Variants in SH3D19 observed in about 807,000 individuals in gnomAD.
SH3D19 encodes SH3 domain containing 19, also known as SH3 domain-containing protein 19.
In SH3D19, 58 loss-of-function variants were observed where a neutral mutation model predicts 112.1. The observed-to-expected ratio is 0.52, with a 90% CI of 0.42 to 0.64. SH3D19 has a LOEUF of 0.64. Among genes scored for constraint, SH3D19 ranks in the 30% least tolerant of loss-of-function variants. The pLI, the probability that SH3D19 is intolerant of heterozygous loss-of-function variation, is 0.00. For missense variants in SH3D19, 1,090 were observed against 1,263.4 expected (o/e 0.86, Z 2.08); for synonymous variants, 391 against 448.5 (o/e 0.87, Z 1.62).
chr4:151,140,130 T>A lies in SH3D19; in HGVS notation c.2224-283A>T. On this transcript the variant is annotated intron_variant, in intron 12 of 19. Transcript: ENST00000604030. The stretch of plus-strand genomic sequence containing the variant: ...AGAGAGTAAAACAAAAGGGAACTGT[T>A]TATTTATTTTGAAACAGTATCTATT... 4 of 337,270 alleles carry A rather than the reference T, an allele frequency of 1.2e-5. No homozygotes were observed. The South Asian group carries it at 1.8e-4, about 15-fold the overall frequency. 20.9% of individuals were successfully genotyped at this position (337,270 alleles called of 1,614,324 possible). A position where few individuals can be genotyped will look rare whatever the true frequency, so the allele number is the denominator to read the frequency against.
chr4:151,125,013 C>T (rs1273825072), intron 19 of SH3D19, among the ~76,000 whole-genome samples: 15 of 152,082 alleles, frequency 9.9e-5, no homozygotes, highest in Non-Finnish European at 4.4e-5. Flanking sequence ...AAACGGGATA[C>T]ATTTTGAGCC....
intron 1 of SH3D19, among the ~76,000 whole-genome samples, chr4:151,239,313 T>C (rs545588863): frequency 6.6e-6 from 1 of 152,182 alleles, no homozygotes; most frequent in African/African-American, 2.4e-5. Flanking sequence ...ACAAAATAGG[T>C]ACAACATAAG....
At chr4:151,299,048 AT>A (rs1470504490) in intron 1 of SH3D19, among the ~76,000 whole-genome samples, 1 of 152,194 alleles carries the variant, frequency 6.6e-6, no homozygotes, top group Non-Finnish European at 1.5e-5. Flanking sequence ...TATGCCACTG[AT>A]TCCTTTTTAA....
intron 2 of SH3D19, among the ~76,000 whole-genome samples, chr4:151,213,593 C>T (rs951424636): frequency 2.6e-5 from 4 of 151,996 alleles, no homozygotes; most frequent in African/African-American, 9.7e-5. Context: ...TGCAGTGAGC[C>T]GTGACTGCAC....
chr4:151,276,408 T>C (rs893741806), intron 1 of SH3D19, among the ~76,000 whole-genome samples: 1 of 152,096 alleles, frequency 6.6e-6, no homozygotes, highest in Non-Finnish European at 1.5e-5. Flanking sequence ...CTAAGTCTTA[T>C]TCCAAGAACT....
intron 2 of SH3D19, among the ~76,000 whole-genome samples, chr4:151,195,441 C>T (rs1354191982): frequency 6.7e-6 from 1 of 149,348 alleles, no homozygotes; most frequent in Non-Finnish European, 1.5e-5. Context: ...AGCAAGAAAC[C>T]TAATGCCTAT....
chr4:151,153,602 T>C (rs1755499255), intron 9 of SH3D19, among the ~76,000 whole-genome samples: 3 of 152,056 alleles, frequency 2.0e-5, no homozygotes, highest in Non-Finnish European at 4.4e-5. Flanking sequence ...AATTGTAATT[T>C]TTTTTAAAAA....
rs564063412 is a variant in SH3D19 at position 151,174,534 on chromosome 4, T to TAC, written c.1534+134_1534+135dup. ...CTGTCTGTTCATTCCTCTGTTTCTA[T>TAC]ACACACACATGCATGTGCACATACT... On this transcript the variant is annotated intron_variant, in intron 7 of 19. Transcript: ENST00000604030. 1.0e-4 allele frequency: 72 copies of TAC among 692,400 alleles called. No individual in the cohort carries two copies. The African/African-American group carries it at 1.0e-3, about 10-fold the overall frequency. 42.9% of individuals were successfully genotyped at this position (692,400 alleles called of 1,614,324 possible).
intron 1 of SH3D19, among the ~76,000 whole-genome samples, chr4:151,307,724 G>A (rs958915249): frequency 7.2e-5 from 11 of 152,186 alleles, no homozygotes; most frequent in Non-Finnish European, 1.2e-4. Flanking sequence ...CATCTAAAGC[G>A]CTCAGGACTA....
At chr4:151,155,316 T>C (rs1755889429) in intron 9 of SH3D19, among the ~76,000 whole-genome samples, 1 of 152,198 alleles carries the variant, frequency 6.6e-6, no homozygotes, top group South Asian at 2.1e-4. Context: ...TAAAAGTTTA[T>C]TACCAGCTAC....
chr4:151,313,446 T>A (rs893800525), intron 1 of SH3D19, among the ~76,000 whole-genome samples: 12 of 151,926 alleles, frequency 7.9e-5, no homozygotes, highest in African/African-American at 2.9e-4. Context: ...AGATAAGGTC[T>A]CACTCTGTCA....
chr4:151,246,610 C>T (rs1052301983), intron 1 of SH3D19, among the ~76,000 whole-genome samples: 5 of 152,138 alleles, frequency 3.3e-5, no homozygotes, highest in African/African-American at 1.2e-4. Flanking sequence ...AATAGCAAAT[C>T]TAAATTTTGC....
intron 14 of SH3D19, among the ~76,000 whole-genome samples, chr4:151,137,183 AT>A (rs146805975): frequency 2.9e-4 from 44 of 152,322 alleles, no homozygotes; most frequent in African/African-American, 1.0e-3. Context: ...CTTTAATATA[AT>A]TTTCCTAATC....
At chr4:151,254,291 T>A (rs1406628100) in intron 1 of SH3D19, among the ~76,000 whole-genome samples, 3 of 136,808 alleles carry the variant, frequency 2.2e-5, no homozygotes, top group East Asian at 2.0e-4. Flanking sequence ...TTATTATTTT[T>A]TTTATTTTTA....
chr4:151,266,904 C>T (rs1020632015), intron 1 of SH3D19, among the ~76,000 whole-genome samples: 25 of 152,146 alleles, frequency 1.6e-4, no homozygotes, highest in Middle Eastern at 3.4e-3. Flanking sequence ...TATTTAGCCC[C>T]GTTTACAAAT....
chr4:151,301,619 C>T (rs1470306645), intron 1 of SH3D19, among the ~76,000 whole-genome samples: 9 of 152,276 alleles, frequency 5.9e-5, no homozygotes, highest in South Asian at 4.1e-4. Flanking sequence ...TTCCCAACTT[C>T]GCCTTCTGCC....
intron 1 of SH3D19, among the ~76,000 whole-genome samples, chr4:151,301,474 G>A (rs537224718): frequency 3.3e-5 from 5 of 152,242 alleles, no homozygotes; most frequent in South Asian, 2.1e-4. Context: ...TGATCCGCCC[G>A]CCTCAGCCTC....
chr4:151,220,354 T>TA (rs1168374340), intron 2 of SH3D19, among the ~76,000 whole-genome samples: 3 of 152,246 alleles, frequency 2.0e-5, no homozygotes, highest in Non-Finnish European at 4.4e-5. Context: ...AAGAAGACTT[T>TA]AGGGAGGCCA....
intron 1 of SH3D19, among the ~76,000 whole-genome samples, chr4:151,226,799 G>A (rs1359190999): frequency 6.6e-6 from 1 of 152,160 alleles, no homozygotes; most frequent in Non-Finnish European, 1.5e-5. Flanking sequence ...CTGCTATAGG[G>A]TAAGAAATAA....
Sources: allele counts gnomAD v4.1 joint callset (sites outside exome capture counted in the v4.1 genomes callset), GRCh38; gene constraint gnomAD v4.1.1; transcripts MANE v1.5; gene names NCBI Gene and HGNC (gene_info 2026-07-23, HGNC 2026-07-21).